The following RYR2 variants were observed in gnomAD, a reference collection of about 807,000 sequenced individuals.
RYR2 encodes ryanodine receptor 2.
In RYR2, 227 loss-of-function variants were observed where a neutral mutation model predicts 601.1. The ratio of observed to expected loss-of-function variants is 0.38; its 90% CI spans 0.34 to 0.42. The LOEUF (loss-of-function observed/expected upper bound fraction) is 0.42, where lower values mean the gene tolerates loss of function less well. RYR2 is among the 10% of genes least tolerant of loss of function. RYR2 has a pLI of 1.00. For missense variants in RYR2, 4,646 were observed against 6,156.5 expected (o/e 0.75, Z 8.21); for synonymous variants, 2,223 against 2,175.1 (o/e 1.02, Z -0.61).
chr1:237,796,972 A>G (rs1394199242), intron 96 of RYR2, among the ~76,000 whole-genome samples: 1 of 152,030 alleles, frequency 6.6e-6, no homozygotes, highest in Non-Finnish European at 1.5e-5. Flanking sequence ...TTTAGTAAAG[A>G]CAAGGTCTCA....
chr1:237,223,695 G>C (rs1487402057), intron 1 of RYR2, among the ~76,000 whole-genome samples: 2 of 152,170 alleles, frequency 1.3e-5, no homozygotes, highest in East Asian at 3.8e-4. Flanking sequence ...CTTCTCTTCT[G>C]TCAACTAGAA....
chr1:237,570,473 G>A (rs1266643912), intron 29 of RYR2, among the ~76,000 whole-genome samples: 1 of 151,574 alleles, frequency 6.6e-6, no homozygotes, highest in East Asian at 2.0e-4. Flanking sequence ...CAAGTAGCTG[G>A]GATTACAGGT....
In RYR2 at chr1:237,784,139, A is replaced by C. The variant is rs750908017; in HGVS notation, c.12427A>C (p.Lys4143Gln). Residue 4143 changes from lysine (K) to glutamine (Q), a missense_variant, in exon 90 of 105, where the codon AAA (lysine) becomes CAA (glutamine). Lys to Gln is a moderately conservative substitution (Grantham distance 53, BLOSUM62 1). Transcript: ENST00000366574. This position sits in a 1 kb window ranked among gnomAD's most constrained non-coding sequence, Gnocchi z 7.1. ...LGRIEIMGSA[K>Q]RIERVYFEIS... ...CCGCATCGAAATCATGGGAAGCGCC[A>C]AACGCATCGAGAGGGTCTATTTTGA... 30 of 1,614,020 alleles carry C rather than the reference A, an allele frequency of 1.9e-5. 2 individuals are homozygous for C. The highest frequency in any genetic ancestry group is 3.3e-4 in the Middle Eastern group (2 of 6,062).
intron 10 of RYR2, among the ~76,000 whole-genome samples, chr1:237,404,524 T>C (rs916486949): frequency 1.3e-5 from 2 of 152,110 alleles, no homozygotes; most frequent in Admixed American, 6.5e-5. Flanking sequence ...ATAAGAAACC[T>C]GGAGTAGGAC....
intron 62 of RYR2, among the ~76,000 whole-genome samples, chr1:237,686,534 A>T (rs1686408694): frequency 6.6e-6 from 1 of 152,118 alleles, no homozygotes; most frequent in South Asian, 2.1e-4. Context: ...GGACGAGTAG[A>T]TGGGAGGATA....
intron 12 of RYR2, among the ~76,000 whole-genome samples, chr1:237,427,782 CAAAAAAAAAAA>C (rs57614793): frequency 1.4e-4 from 8 of 56,194 alleles, no homozygotes; most frequent in East Asian, 5.6e-4. Context: ...GACTCTGCCT[CAAAAAAAAAAA>C]AAAAAAAAAA....
In RYR2 at chr1:237,502,993, C is replaced by G. The variant is rs2618700; in HGVS notation, c.2397-296C>G. Among the ~76,000 whole-genome samples the G allele has an allele frequency of 0.56, 84,535 of 151,870 alleles. 24,159 individuals are homozygous for G. Among genetic ancestry groups the G allele is most frequent in the Non-Finnish European group, 0.63 (42,571 of 67,938 alleles). On this transcript the variant is annotated intron_variant, in intron 21 of 104. Coordinates refer to ENST00000366574, the MANE Select transcript of RYR2 (RefSeq NM_001035.3). ...TTATTACGGACATGCACTTCATTCC[C>G]GTAAGAATGTGGTGCATGTGCTTTT...
chr1:237,416,382 T>A (rs1704986429), intron 10 of RYR2, among the ~76,000 whole-genome samples: 1 of 152,224 alleles, frequency 6.6e-6, no homozygotes, highest in Admixed American at 6.5e-5. Context: ...GGTGCAGTCA[T>A]GAATTTGGAT....
intron 99 of RYR2, among the ~76,000 whole-genome samples, chr1:237,808,296 A>G (rs987173409): frequency 6.6e-6 from 1 of 152,210 alleles, no homozygotes; most frequent in African/African-American, 2.4e-5. Flanking sequence ...AAATTTAAAA[A>G]TAATTTACAG....
chr1:237,491,756 A>G (rs540613035), intron 17 of RYR2, 50 bp from the exon 18 acceptor site: 2 of 846,300 alleles, frequency 2.4e-6, no homozygotes, highest in African/African-American at 1.7e-5. Context: ...TGGTCATTGT[A>G]CACCAATTAA....
intron 25 of RYR2, among the ~76,000 whole-genome samples, chr1:237,540,856 G>A (rs1669181952): frequency 6.6e-6 from 1 of 151,974 alleles, no homozygotes; most frequent in Non-Finnish European, 1.5e-5. Flanking sequence ...ATATCTCTGA[G>A]GCATAGTAGG....
At chr1:237,538,545 G>A (rs1318154546) in intron 25 of RYR2, among the ~76,000 whole-genome samples, 1 of 151,856 alleles carries the variant, frequency 6.6e-6, no homozygotes, top group Non-Finnish European at 1.5e-5. Context: ...GCCAACGCAG[G>A]CGGATCACTT....
At chr1:237,308,276 C>G (rs1694098215) in intron 2 of RYR2, among the ~76,000 whole-genome samples, 1 of 152,156 alleles carries the variant, frequency 6.6e-6, no homozygotes, top group South Asian at 2.1e-4. Context: ...ACCATTGGAG[C>G]AGAACACATC....
chr1:237,207,766 A>G (rs990832201), intron 1 of RYR2, among the ~76,000 whole-genome samples: 2 of 152,218 alleles, frequency 1.3e-5, no homozygotes, highest in South Asian at 2.1e-4. Flanking sequence ...GCTATCCTCT[A>G]AAACAATTTT....
At position 237,773,603 on chromosome 1, in the gene RYR2, C is replaced by T. The variant is rs764373699; in HGVS notation, c.11730C>T (p.Ile3910=). 13 of 1,611,092 alleles carry T rather than the reference C, an allele frequency of 8.1e-6. No individual in the cohort carries two copies. Among genetic ancestry groups the T allele is most frequent in the African/African-American group, 1.3e-5 (1 of 74,818 alleles). The stretch of plus-strand genomic sequence containing the variant: ...GACAACGGAATTTCTCCAAAGCTAT[C>T]CAAGTGGCAAAACAAGTCTTTAACA... ...EQGQRNFSKA[I]QVAKQVFNTL... is the part of the protein sequence containing the mutation. Residue 3910 remains isoleucine, a synonymous_variant, in exon 87 of 105, where the codon ATC becomes ATT. Coordinates refer to ENST00000366574, the MANE Select transcript of RYR2 (RefSeq NM_001035.3).
intron 1 of RYR2, among the ~76,000 whole-genome samples, chr1:237,133,384 T>C (rs558351958): frequency 6.6e-6 from 1 of 152,252 alleles, no homozygotes; most frequent in African/African-American, 2.4e-5. Context: ...CCTTTCTTAC[T>C]TGATATGAAT....
intron 10 of RYR2, among the ~76,000 whole-genome samples, chr1:237,401,349 TA>T (rs2149932782): frequency 1.3e-5 from 2 of 152,222 alleles, no homozygotes; most frequent in African/African-American, 4.8e-5. Context: ...CTATCTCAGA[TA>T]CCAATCACAA....
intron 1 of RYR2, among the ~76,000 whole-genome samples, chr1:237,044,267 T>G (rs2148077513): frequency 6.6e-6 from 1 of 152,090 alleles, no homozygotes; most frequent in Non-Finnish European, 1.5e-5. Flanking sequence ...ACAAATACGG[T>G]TGCTGTATAA....
intron 50 of RYR2, 108 bp downstream of exon 50, chr1:237,650,205 A>T: frequency 9.6e-7 from 1 of 1,040,584 alleles, no homozygotes; most frequent in Non-Finnish European, 1.4e-6. Flanking sequence ...CATACCACAA[A>T]TTTAATTCAT....
Sources: allele counts gnomAD v4.1 joint callset (sites outside exome capture counted in the v4.1 genomes callset), GRCh38; gene constraint gnomAD v4.1.1; non-coding constraint Gnocchi (gnomAD v3.1); transcripts MANE v1.5; gene names NCBI Gene and HGNC (gene_info 2026-07-23, HGNC 2026-07-21).